CUL9: variants seen among roughly 807,000 people sequenced by gnomAD.
The protein encoded by CUL9 is cullin-9.
In CUL9, 79 loss-of-function variants were observed where a neutral mutation model predicts 272.6. The observed-to-expected ratio is 0.29, with a 90% CI of 0.24 to 0.35. CUL9 has a LOEUF of 0.35. Ranked by LOEUF, CUL9 falls within the 10% of genes least tolerant of loss-of-function variation. The pLI, the probability that CUL9 is intolerant of heterozygous loss-of-function variation, is 1.00. For missense variants in CUL9, 2,532 were observed against 3,255.6 expected (o/e 0.78, Z 5.41); for synonymous variants, 1,186 against 1,286.5 (o/e 0.92, Z 1.67).
At chr6:43,216,015 G>A (rs1297880686) in intron 30 of CUL9, 143 bp from the exon 31 acceptor site, 1 of 695,580 alleles carries the variant, frequency 1.4e-6, no homozygotes, top group Non-Finnish European at 2.4e-6. Flanking sequence ...TGCTCTGACG[G>A]TTGGTTTGGG....
At position 43,213,702 on chromosome 6, in the gene CUL9, G is replaced by A; in HGVS notation, c.5489-11G>A. On this transcript the variant is annotated splice_polypyrimidine_tract_variant and intron_variant, in intron 28 of 40. Coordinates refer to ENST00000252050, the MANE Select transcript of CUL9 (RefSeq NM_015089.4). The surrounding 1 kb of genome is among the most constrained non-coding windows in gnomAD (Gnocchi z 5.7). Reference sequence around the variant, plus strand: ...TGCCTCCTCTGGTACCTGACCGGGAGCGGGTTCCAGGTGTGCTGCGGCTTC... The same window carrying A: ...TGCCTCCTCTGGTACCTGACCGGGAACGGGTTCCAGGTGTGCTGCGGCTTC... 1 of 1,611,176 alleles carries A rather than the reference G, an allele frequency of 6.2e-7. No individual in the cohort carries two copies. The highest frequency in any genetic ancestry group is 2.2e-5 in the East Asian group (1 of 44,828).
intron 9 of CUL9, among the ~76,000 whole-genome samples, chr6:43,194,794 G>T (rs998899718): frequency 3.3e-5 from 5 of 151,674 alleles, no homozygotes; most frequent in African/African-American, 9.7e-5. Flanking sequence ...GGTGGCTCAC[G>T]CCTGTAATCC....
At chr6:43,193,637 C>G (rs973848378) in intron 9 of CUL9, among the ~76,000 whole-genome samples, 3 of 152,138 alleles carry the variant, frequency 2.0e-5, no homozygotes, top group Admixed American at 1.3e-4. Flanking sequence ...ACCTCCACCT[C>G]CTGGGTTCAA....
intron 16 of CUL9, 100 bp from the exon 17 acceptor site, chr6:43,202,616 A>G (rs1019813397): frequency 1.0e-5 from 10 of 957,702 alleles, no homozygotes; most frequent in African/African-American, 1.6e-5. Context: ...ACTAGCCTCA[A>G]GCGATCCTCC....
In CUL9 at chr6:43,199,339, A is replaced by T. The variant is rs756553623; in HGVS notation, c.3124A>T (p.Asn1042Tyr). The T allele has an allele frequency of 6.2e-6, 10 of 1,613,284 alleles. No individual in the cohort carries two copies. In the South Asian group the frequency reaches 1.1e-4, roughly 18 times the overall value. The change falls in exon 13 of 41, where the codon AAC becomes TAC. Residue 1042 changes from asparagine (N) to tyrosine (Y), a missense_variant. Asn to Tyr is a moderately radical substitution (Grantham distance 143). Around this residue, in one of 3 missense-constraint regions of CUL9, gnomAD observed 2,218 missense variants for 2,788.6 expected, o/e 0.80. Transcript: ENST00000252050. This position sits in a 1 kb window ranked among gnomAD's most constrained non-coding sequence, Gnocchi z 4.4. ...PWHEVLEPCL[N>Y]CLSGPSSDSE... The stretch of plus-strand genomic sequence containing the variant: ...GCACGAGGTCTTGGAGCCCTGCCTC[A>T]ACTGCCTGAGTGGCCCTAGCAGTGA...
At chr6:43,185,049 T>G in intron 2 of CUL9, 144 bp downstream of exon 2, 1 of 690,104 alleles carries the variant, frequency 1.4e-6, no homozygotes, top group Non-Finnish European at 2.4e-6. Flanking sequence ...TATAGATTAA[T>G]AGGCTATTTC....
In CUL9 at chr6:43,205,278, G is replaced by A; in HGVS notation, c.4648G>A (p.Ala1550Thr). 6.2e-7 allele frequency: 1 copy of A among 1,613,884 alleles called. No homozygotes were observed. The highest frequency in any genetic ancestry group is 8.5e-7 in the Non-Finnish European group (1 of 1,179,756). The change falls in exon 24 of 41, where the codon GCC becomes ACC. Residue 1550 changes from alanine to threonine, a missense_variant. Transcript: ENST00000252050. ...LTAAHMSEQFARYIDQQIQGG... is the reference protein window; with the variant it reads ...LTAAHMSEQFTRYIDQQIQGG... The stretch of plus-strand genomic sequence containing the variant: ...CTGCCCCCAGATGAGTGAGCAGTTT[G>A]CCAGGTACATTGACCAACAGATCCA...
chr6:43,193,267 A>G lies in CUL9; in HGVS notation c.2388+59A>G, dbSNP rs574944679. 1.7e-5 allele frequency: 25 copies of G among 1,514,996 alleles called. No individual in the cohort carries two copies. The African/African-American group carries it at 2.7e-4, about 17-fold the overall frequency. The allele number at this position is 1,514,996 out of a possible 1,614,324, so 93.8% of individuals were successfully genotyped here. ...GGGCAAGACAGGCAGACTGGGGACT[A>G]CTGATCTTGAGGGGGTACTTTGGTG... On this transcript the variant is annotated intron_variant, in intron 9 of 40. Coordinates refer to ENST00000252050, the MANE Select transcript of CUL9 (RefSeq NM_015089.4).
intron 26 of CUL9, among the ~76,000 whole-genome samples, chr6:43,207,370 T>C (rs987510742): frequency 2.6e-5 from 4 of 152,208 alleles, no homozygotes; most frequent in Non-Finnish European, 5.9e-5. Context: ...TATTTGAACA[T>C]CATATAAATG....
Position 43,206,463 on chromosome 6 carries a change from C to T in CUL9, c.5165C>T (p.Thr1722Ile). 1.2e-6 allele frequency: 2 copies of T among 1,614,238 alleles called. No homozygotes were observed. The highest frequency in any genetic ancestry group is 4.5e-5 in the East Asian group (2 of 44,888). The change falls in exon 26 of 41, where the codon ACA becomes ATA. Residue 1722 changes from threonine to isoleucine, a missense_variant. Physicochemically the swap from Thr to Ile is moderately conservative, Grantham distance 89. Transcript: ENST00000252050. This position sits in a 1 kb window ranked among gnomAD's most constrained non-coding sequence, Gnocchi z 4.8. ...YLYHPRKCLP[T>I]EFCDALDRFS... The stretch of plus-strand genomic sequence containing the variant: ...TACCATCCCAGAAAGTGCCTTCCCA[C>T]AGAATTCTGTGATGCCCTTGACCGT...
intron 26 of CUL9, among the ~76,000 whole-genome samples, chr6:43,211,806 A>G (rs1775525349): frequency 6.6e-6 from 1 of 152,164 alleles, no homozygotes; most frequent in Non-Finnish European, 1.5e-5. Flanking sequence ...CTTTGTTTAA[A>G]AAAAAAGGAT....
intron 17 of CUL9, 94 bp downstream of exon 17, chr6:43,202,915 A>G: frequency 7.6e-7 from 1 of 1,317,666 alleles, no homozygotes; most frequent in Non-Finnish European, 1.1e-6. Flanking sequence ...GAATGGTGAC[A>G]TCCCTTCCCC....
Position 43,200,601 on chromosome 6 carries a change from CT to C in CUL9, c.3476-58del, listed in dbSNP as rs1282217556. ...CCCCTTCCCTTCCTGCTCCTTAGACCTTTTCCTTTTTCCTCTCAACTAACCT... is the reference window on the plus strand; with the variant it reads ...CCCCTTCCCTTCCTGCTCCTTAGACCTTTCCTTTTTCCTCTCAACTAACCT... On this transcript the variant is annotated intron_variant, in intron 15 of 40. Transcript: ENST00000252050. The surrounding 1 kb of genome is among the most constrained non-coding windows in gnomAD (Gnocchi z 4.0). The C allele has an allele frequency of 1.2e-6, 2 of 1,613,370 alleles. No homozygotes were observed. The highest frequency in any genetic ancestry group is 2.7e-5 in the African/African-American group (2 of 74,910).
At chr6:43,194,210 C>T (rs1053616348) in intron 9 of CUL9, among the ~76,000 whole-genome samples, 1 of 152,190 alleles carries the variant, frequency 6.6e-6, no homozygotes, top group African/African-American at 2.4e-5. Context: ...ATAATGGCAG[C>T]AGCATGAACG....
chr6:43,182,976 A>C (rs569768018), intron 1 of CUL9, among the ~76,000 whole-genome samples: 2 of 152,226 alleles, frequency 1.3e-5, no homozygotes. Context: ...TTTACTGAAC[A>C]CTCTTTATGT....
At chr6:43,217,519 A>T (rs947625318) in intron 31 of CUL9, among the ~76,000 whole-genome samples, 3 of 152,230 alleles carry the variant, frequency 2.0e-5, no homozygotes, top group Non-Finnish European at 4.4e-5. Context: ...AACTGGTGCC[A>T]AGCCCAAACA....
chr6:43,192,646 A>G (rs1773633664), intron 8 of CUL9, among the ~76,000 whole-genome samples: 2 of 152,362 alleles, frequency 1.3e-5, no homozygotes, highest in South Asian at 4.1e-4. Context: ...ATTGCACTCC[A>G]GCCTGGCAAC....
Position 43,203,611 on chromosome 6 carries a change from G to C in CUL9, c.4025+19G>C. The C allele has an allele frequency of 1.2e-6, 2 of 1,609,448 alleles. No homozygotes were observed. Among genetic ancestry groups the C allele is most frequent in the South Asian group, 2.2e-5 (2 of 90,872 alleles). On this transcript the variant is annotated intron_variant, in intron 19 of 40. Transcript: ENST00000252050. The surrounding 1 kb of genome is among the most constrained non-coding windows in gnomAD (Gnocchi z 5.0). ...GTCCCAGGTGGGTGGGGCCTGAGGA[G>C]GGAAGATGGGTAAGGGAACAGGACA...
chr6:43,219,618 A>C (rs898751736), intron 31 of CUL9, among the ~76,000 whole-genome samples: 22 of 152,210 alleles, frequency 1.4e-4, no homozygotes, highest in African/African-American at 5.1e-4. Flanking sequence ...TTTATGCTGC[A>C]GCTTTGATAT....
Sources: allele counts gnomAD v4.1 joint callset (sites outside exome capture counted in the v4.1 genomes callset), GRCh38; gene constraint gnomAD v4.1.1; regional missense constraint gnomAD v4.1.1; non-coding constraint Gnocchi (gnomAD v3.1); transcripts MANE v1.5; gene names NCBI Gene and HGNC (gene_info 2026-07-23, HGNC 2026-07-21).